AFF3: variants seen among roughly 807,000 people sequenced by gnomAD.
AFF3 encodes ALF transcription elongation factor 3, also known as AF4/FMR2 family member 3.
AFF3 carries 32 observed loss-of-function variants against 129.7 expected under a neutral mutation model. The observed-to-expected ratio is 0.25, with a 90% CI of 0.19 to 0.33. The LOEUF is 0.33. Among genes scored for constraint, AFF3 ranks in the 10% least tolerant of loss-of-function variants. The pLI, the probability that AFF3 is intolerant of heterozygous loss-of-function variation, is 1.00. For missense variants in AFF3, 1,373 were observed against 1,592.0 expected (o/e 0.86, Z 2.34); for synonymous variants, 644 against 635.4 (o/e 1.01, Z -0.20).
chr2:99,868,009 T>C (rs2105946384), intron 7 of AFF3, among the ~76,000 whole-genome samples: 1 of 122,496 alleles, frequency 8.2e-6, no homozygotes, highest in East Asian at 2.5e-4. Flanking sequence ...CACGACTCTC[T>C]TTCTTTCCTT....
intron 4 of AFF3, among the ~76,000 whole-genome samples, chr2:100,095,322 A>G (rs543795380): frequency 1.1e-3 from 175 of 152,260 alleles, no homozygotes; most frequent in African/African-American, 3.9e-3. Context: ...CCTCCCCCAC[A>G]ATCTGAAGGA....
At position 100,120,526 on chromosome 2, in the gene AFF3, G is replaced by C. The variant is rs559128194; in HGVS notation, c.-145+8698C>G. ...CAAAAGCCTGTAGCCAAAAGGCTGAGATCCACATTTACCCAAACAGTTTTG... is the reference window on the plus strand; with the variant it reads ...CAAAAGCCTGTAGCCAAAAGGCTGACATCCACATTTACCCAAACAGTTTTG... On this transcript the variant is annotated intron_variant, in intron 2 of 24. Transcript: ENST00000672756. Among the ~76,000 whole-genome samples the C allele has an allele frequency of 9.3e-4, 132 of 141,734 alleles. 1 individual carries two copies. The highest frequency in any genetic ancestry group is 3.6e-3 in the African/African-American group (127 of 35,468). The allele number at this position is 141,734 out of a possible 152,430, so 93.0% of individuals were successfully genotyped here.
At chr2:99,556,886 C>T (rs1050769365) in intron 22 of AFF3, among the ~76,000 whole-genome samples, 11 of 151,462 alleles carry the variant, frequency 7.3e-5, no homozygotes, top group African/African-American at 2.7e-4. Flanking sequence ...TGTACCACTG[C>T]ACTCTAGCCT....
rs200485697 is a variant in AFF3, at chr2:99,690,155, TTTATTATTA to T, written c.1092-17575_1092-17567del. Among the ~76,000 whole-genome samples, 1,186 of 122,978 alleles carry T rather than the reference TTTATTATTA, an allele frequency of 9.6e-3. 9 individuals are homozygous for T. The highest frequency in any genetic ancestry group is 0.017 in the African/African-American group (553 of 32,890). 80.7% of individuals were successfully genotyped at this position (122,978 alleles called of 152,430 possible). ...ACCTAAATTTATAATAACCACAATC[TTTATTATTA>T]TTATTATTATTATTATTATTATTAT... On this transcript the variant is annotated intron_variant, in intron 11 of 24. Coordinates refer to ENST00000672756, the MANE Select transcript of AFF3 (RefSeq NM_001386135.1).
intron 13 of AFF3, among the ~76,000 whole-genome samples, chr2:99,616,341 CTTT>C: frequency 6.7e-6 from 1 of 148,362 alleles, no homozygotes; most frequent in East Asian, 2.0e-4. Flanking sequence ...AGCTCTTTGA[CTTT>C]TTTTTTTTAA....
chr2:100,035,885 A>T (rs1294683077), intron 4 of AFF3, among the ~76,000 whole-genome samples: 1 of 152,194 alleles, frequency 6.6e-6, no homozygotes, highest in Admixed American at 6.5e-5. Context: ...TATGAAAGTT[A>T]TCTGTTAATC....
At chr2:99,753,324 TC>T (rs1681821821) in intron 8 of AFF3, among the ~76,000 whole-genome samples, 1 of 152,100 alleles carries the variant, frequency 6.6e-6, no homozygotes, top group African/African-American at 2.4e-5. Context: ...GGTCTCAAAC[TC>T]CTGACCTCGG....
intron 15 of AFF3, among the ~76,000 whole-genome samples, chr2:99,588,172 G>A (rs1678314124): frequency 1.3e-5 from 2 of 151,920 alleles, no homozygotes; most frequent in African/African-American, 4.8e-5. Flanking sequence ...TGCCATGATT[G>A]GGTTTAATTT....
intron 4 of AFF3, among the ~76,000 whole-genome samples, chr2:100,099,855 T>C (rs1690589227): frequency 6.6e-6 from 1 of 151,974 alleles, no homozygotes; most frequent in African/African-American, 2.4e-5. Flanking sequence ...CACATAGTAA[T>C]AAGCGTTATT....
chr2:99,971,149 G>T (rs1678332838), intron 7 of AFF3, among the ~76,000 whole-genome samples: 2 of 152,224 alleles, frequency 1.3e-5, no homozygotes, highest in African/African-American at 4.8e-5. Flanking sequence ...TCACCTCGGT[G>T]GGATGGTGAA....
chr2:99,676,944 A>G (rs1365366836), intron 11 of AFF3, among the ~76,000 whole-genome samples: 2 of 152,140 alleles, frequency 1.3e-5, no homozygotes. Flanking sequence ...CCAGATGACA[A>G]TGGGGAAGTT....
At chr2:99,578,302 C>A (rs766670364) in intron 18 of AFF3, 25 bp downstream of exon 18, 5 of 1,577,126 alleles carry the variant, frequency 3.2e-6, no homozygotes, top group Admixed American at 1.9e-5. Context: ...TGCCCCTCAC[C>A]ACATTTAAAA....
At chr2:99,624,441 T>C (rs1682348639) in intron 13 of AFF3, among the ~76,000 whole-genome samples, 1 of 152,184 alleles carries the variant, frequency 6.6e-6, no homozygotes, top group African/African-American at 2.4e-5. Flanking sequence ...CTTACCTCAT[T>C]AGCTACTGTT....
At chr2:99,893,887 T>G (rs1472066596) in intron 7 of AFF3, among the ~76,000 whole-genome samples, 1 of 152,228 alleles carries the variant, frequency 6.6e-6, no homozygotes, top group Non-Finnish European at 1.5e-5. Context: ...TACTTGAGTT[T>G]ACATCCCGTT....
intron 12 of AFF3, among the ~76,000 whole-genome samples, chr2:99,651,672 C>T (rs1685270428): frequency 6.6e-6 from 1 of 152,094 alleles, no homozygotes. Context: ...GAACTCCTGA[C>T]CTCAAATGAT....
chr2:100,141,804 C>T (rs1420702587), intron 1 of AFF3, among the ~76,000 whole-genome samples: 9 of 152,142 alleles, frequency 5.9e-5, no homozygotes, highest in East Asian at 5.8e-4. Flanking sequence ...TATATACACA[C>T]ATAAACACAC....
chr2:99,837,604 T>TG (rs943807483), intron 7 of AFF3, 80 bp from the exon 8 acceptor site: 5 of 1,320,018 alleles, frequency 3.8e-6, no homozygotes, highest in African/African-American at 1.7e-5. Context: ...TCCAAATTAG[T>TG]CCCCCCCAAC....
At chr2:99,760,447 T>C (rs1682478295) in intron 8 of AFF3, among the ~76,000 whole-genome samples, 1 of 152,214 alleles carries the variant, frequency 6.6e-6, no homozygotes, top group Non-Finnish European at 1.5e-5. Context: ...TGTATTTCAT[T>C]TGCACCTCAT....
chr2:99,705,242 A>T (rs1226639914), intron 11 of AFF3, among the ~76,000 whole-genome samples: 1 of 152,188 alleles, frequency 6.6e-6, no homozygotes, highest in Non-Finnish European at 1.5e-5. Context: ...GCTGGTGAGA[A>T]ATTAAAGGAT....
Sources: gnomAD v4.1 joint callset for allele counts (sites outside exome capture counted in the v4.1 genomes callset) on GRCh38, gnomAD v4.1.1 for gene constraint, MANE v1.5 for transcripts, NCBI Gene and HGNC (gene_info 2026-07-23, HGNC 2026-07-21) for gene names.